The following RAB3C variants were observed in gnomAD, a reference collection of about 807,000 sequenced individuals.
RAB3C encodes the protein RAB3C, member RAS oncogene family.
In RAB3C, 17 loss-of-function variants were observed where a neutral mutation model predicts 26.4. That is an observed-to-expected ratio of 0.64 (90% confidence interval 0.44 to 0.97). RAB3C has a LOEUF of 0.97. Ranked by LOEUF, RAB3C falls within the 50% of genes least tolerant of loss-of-function variation. The pLI is 0.00. For synonymous variants in RAB3C, 91 were observed against 95.9 expected, an observed-to-expected ratio of 0.95 and a Z score of 0.30; for missense variants, 242 against 281.9, an observed-to-expected ratio of 0.86 and a Z score of 1.01.
chr5:58,716,734 A>C (rs1446414081), intron 2 of RAB3C, among the ~76,000 whole-genome samples: 2 of 149,848 alleles, frequency 1.3e-5, no homozygotes, highest in Non-Finnish European at 3.0e-5. Flanking sequence ...CTGCCCAGTC[A>C]CCTGTACCCA....
At chr5:58,686,908 A>T (rs1748455429) in intron 2 of RAB3C, among the ~76,000 whole-genome samples, 1 of 152,032 alleles carries the variant, frequency 6.6e-6, no homozygotes, top group Non-Finnish European at 1.5e-5. Context: ...ATTTAACAAC[A>T]TCTCTCCAGC....
At position 58,857,071 on chromosome 5, in the gene RAB3C, GAA is replaced by G; in HGVS notation, c.*5721_*5722del. The G allele has an allele frequency of 1.3e-5, 2 of 152,228 alleles. 1 individual carries two copies. 9.4% of individuals were successfully genotyped at this position (152,228 alleles called of 1,614,324 possible). A position where few individuals can be genotyped will look rare whatever the true frequency, so the allele number is the denominator to read the frequency against. ...TTTGTTTTCTATTTTCAACACCTCA[GAA>G]TTGAGGGTTCATGGGCCAATAAGTG... On this transcript the variant is annotated 3_prime_UTR_variant, in exon 5 of 5. Coordinates refer to ENST00000282878, the MANE Select transcript of RAB3C (RefSeq NM_138453.4).
rs570299424 is a variant in RAB3C, at chr5:58,834,456, A to G, written c.496+9294A>G. 5.9e-5 allele frequency among the ~76,000 whole-genome samples: 9 copies of G among 152,378 alleles called. No homozygotes were observed. In the South Asian group the frequency reaches 1.9e-3, roughly 32 times the overall value. ...TGCAGCCAGAAACTCTAATGAGGTT[A>G]ACATTGCCCTAAAGCCTATTTTTAA... On this transcript the variant is annotated intron_variant, in intron 4 of 4. Coordinates refer to ENST00000282878, the MANE Select transcript of RAB3C (RefSeq NM_138453.4).
intron 3 of RAB3C, among the ~76,000 whole-genome samples, chr5:58,750,112 C>T (rs891448994): frequency 1.3e-5 from 2 of 152,136 alleles, no homozygotes; most frequent in East Asian, 1.9e-4. Flanking sequence ...CTGTATCAAA[C>T]AATTTTGAAA....
intron 1 of RAB3C, among the ~76,000 whole-genome samples, chr5:58,589,655 A>G (rs1016445279): frequency 6.6e-6 from 1 of 152,210 alleles, no homozygotes; most frequent in Non-Finnish European, 1.5e-5. Context: ...TAGGCAGAAT[A>G]GCATCCCTCC....
chr5:58,689,816 TCTC>T (rs775256735), intron 2 of RAB3C, among the ~76,000 whole-genome samples: 2 of 152,108 alleles, frequency 1.3e-5, no homozygotes, highest in Non-Finnish European at 2.9e-5. Flanking sequence ...ATGCAACTCT[TCTC>T]CTTGTTCAGA....
chr5:58,733,564 G>A (rs890443587), intron 3 of RAB3C, among the ~76,000 whole-genome samples: 1 of 152,144 alleles, frequency 6.6e-6, no homozygotes, highest in Non-Finnish European at 1.5e-5. Context: ...GAAAGTAAAG[G>A]CTACTTCTTT....
At chr5:58,708,645 A>G (rs774710335) in intron 2 of RAB3C, among the ~76,000 whole-genome samples, 125 of 152,312 alleles carry the variant, frequency 8.2e-4, no homozygotes, top group Middle Eastern at 6.8e-3. Context: ...CTGGCACACA[A>G]TCCCTGAAAG....
At chr5:58,601,004 AT>A (rs1746441680) in intron 1 of RAB3C, among the ~76,000 whole-genome samples, 1 of 152,088 alleles carries the variant, frequency 6.6e-6, no homozygotes, top group Non-Finnish European at 1.5e-5. Flanking sequence ...CTTTTATTAC[AT>A]TGAGGGATGT....
chr5:58,591,661 G>T (rs978775122), intron 1 of RAB3C, among the ~76,000 whole-genome samples: 1 of 149,400 alleles, frequency 6.7e-6, no homozygotes, highest in Non-Finnish European at 1.5e-5. Context: ...TGTGAATCTT[G>T]TGGTCAGTAT....
intron 1 of RAB3C, among the ~76,000 whole-genome samples, chr5:58,599,189 C>T (rs779510065): frequency 2.0e-5 from 3 of 152,132 alleles, no homozygotes; most frequent in Non-Finnish European, 4.4e-5. Context: ...GTGGAATGCT[C>T]TTTTTCAGAG....
chr5:58,686,757 T>C (rs1561289166), intron 2 of RAB3C, among the ~76,000 whole-genome samples: 1 of 151,856 alleles, frequency 6.6e-6, no homozygotes. Context: ...CAAATGGAAG[T>C]AAAAGGGAGG....
intron 2 of RAB3C, among the ~76,000 whole-genome samples, chr5:58,621,569 T>C (rs564198284): frequency 1.4e-4 from 22 of 152,190 alleles, no homozygotes; most frequent in African/African-American, 4.3e-4. Context: ...TCAAGTATGA[T>C]TTTTGTTTTT....
chr5:58,661,656 C>T (rs1747908126), intron 2 of RAB3C, among the ~76,000 whole-genome samples: 1 of 146,138 alleles, frequency 6.8e-6, no homozygotes, highest in Admixed American at 6.8e-5. Context: ...GGTGGCAATG[C>T]TTGAGAGCAG....
chr5:58,724,171 A>G (rs2111917045), intron 2 of RAB3C, among the ~76,000 whole-genome samples: 1 of 151,714 alleles, frequency 6.6e-6, no homozygotes, highest in African/African-American at 2.4e-5. Flanking sequence ...TCCCACATCT[A>G]AGTAATAAAA....
chr5:58,640,069 A>G (rs776100011), intron 2 of RAB3C, among the ~76,000 whole-genome samples: 5 of 152,178 alleles, frequency 3.3e-5, no homozygotes, highest in Non-Finnish European at 7.3e-5. Context: ...ATAATATAAA[A>G]GTGCAGTCAT....
At chr5:58,838,646 TG>T (rs1271526204) in intron 4 of RAB3C, among the ~76,000 whole-genome samples, 1 of 107,878 alleles carries the variant, frequency 9.3e-6, no homozygotes, top group East Asian at 2.0e-4. Context: ...TACATGCTGA[TG>T]AAAAAAATAT....
At chr5:58,793,931 G>A (rs1561132149) in intron 3 of RAB3C, among the ~76,000 whole-genome samples, 1 of 152,052 alleles carries the variant, frequency 6.6e-6, no homozygotes, top group Non-Finnish European at 1.5e-5. Flanking sequence ...TTATCTTGGA[G>A]ATCACCTTAA....
chr5:58,615,089 G>A (rs1364218530), intron 1 of RAB3C, among the ~76,000 whole-genome samples: 13 of 152,206 alleles, frequency 8.5e-5, no homozygotes, highest in African/African-American at 2.4e-4. Flanking sequence ...TATAGATACC[G>A]AGGGACAATT....
Sources: allele counts gnomAD v4.1 joint callset (sites outside exome capture counted in the v4.1 genomes callset), GRCh38; gene constraint gnomAD v4.1.1; transcripts MANE v1.5; gene names NCBI Gene and HGNC (gene_info 2026-07-23, HGNC 2026-07-21).